TRPA1: variants seen among roughly 807,000 people sequenced by gnomAD.
The protein encoded by TRPA1 is ankyrin-like with transmembrane domains 1.
In TRPA1, 129 loss-of-function variants were observed where a neutral mutation model predicts 131.3. The observed-to-expected ratio is 0.98, with a 90% CI of 0.85 to 1.14. The LOEUF (loss-of-function observed/expected upper bound fraction) is 1.14, where lower values mean the gene tolerates loss of function less well. Among genes scored for constraint, TRPA1 ranks in the 50% most tolerant of loss-of-function variants. TRPA1 has a pLI of 0.00. For missense variants in TRPA1, 1,304 were observed against 1,354.2 expected (o/e 0.96, Z 0.58); for synonymous variants, 441 against 451.7 (o/e 0.98, Z 0.30).
rs1027209911 is a variant in TRPA1, at chr8:72,023,322, A to G, written c.3150-206T>C. The G allele has an allele frequency of 1.3e-5, 8 of 630,710 alleles. No homozygotes were observed. The Admixed American group carries it at 2.2e-4, about 17-fold the overall frequency. The allele number at this position is 630,710 out of a possible 1,614,324, so 39.1% of individuals were successfully genotyped here. ...AAAGTTACACTGTTAGTTCATGGCT[A>G]GTTTATTTTTGTTCCCAGTTTATAG... On this transcript the variant is annotated intron_variant, in intron 26 of 26. Transcript: ENST00000262209.
Position 72,061,712 on chromosome 8 carries a change from T to C in TRPA1, c.857A>G (p.Glu286Gly), listed in dbSNP as rs1805811703. ...IHFAATQGAT[E>G]IVKLMISSYS... is the part of the protein sequence containing the mutation. ...GGACGATATCATCAGTTTAACAATC[T>C]CAGTGGCTCCCTGGGTGGCAGCAAA... is the stretch of plus-strand genomic sequence containing the variant. The change falls in exon 7 of 27, where the codon GAG becomes GGG. Residue 286 changes from glutamate (E) to glycine (G), a missense_variant. By Grantham distance (98) the Glu-to-Gly change is moderately conservative. Transcript: ENST00000262209. The C allele has an allele frequency of 1.2e-6, 2 of 1,614,054 alleles. No homozygotes were observed. Among genetic ancestry groups the C allele is most frequent in the African/African-American group, 1.3e-5 (1 of 75,042 alleles).
At chr8:72,037,348 T>C (rs2129433800) in intron 20 of TRPA1, among the ~76,000 whole-genome samples, 1 of 152,190 alleles carries the variant, frequency 6.6e-6, no homozygotes, top group Non-Finnish European at 1.5e-5. Flanking sequence ...ACAAAAAAAT[T>C]ATAAAGACTT....
At chr8:72,087,650 T>TATA in the TRPA1 span, among the ~76,000 whole-genome samples, 2 of 111,806 alleles carry the variant, frequency 1.8e-5, no homozygotes, top group Admixed American at 8.8e-5. Flanking sequence ...ATATATATAT[T>TATA]TTAATTGCAT....
chr8:72,064,869 G>A (rs367962690), intron 4 of TRPA1, among the ~76,000 whole-genome samples: 5 of 148,548 alleles, frequency 3.4e-5, no homozygotes, highest in Non-Finnish European at 5.9e-5. Context: ...CATCTCCATC[G>A]CTTCACTGGA....
At chr8:72,061,787 C>A (rs200053697) in intron 6 of TRPA1, 26 bp from the exon 7 acceptor site, 1 of 1,612,568 alleles carries the variant, frequency 6.2e-7, no homozygotes. Context: ...ATGCTAGAAT[C>A]AATGTTTAAA....
intron 13 of TRPA1, 163 bp downstream of exon 13, chr8:72,053,590 C>T (rs1034614318): frequency 1.4e-5 from 9 of 663,974 alleles, no homozygotes; most frequent in Non-Finnish European, 2.2e-5. Context: ...ATTCTGTTGC[C>T]TTTTGATTCA....
the TRPA1 span, among the ~76,000 whole-genome samples, chr8:72,087,547 G>T: frequency 6.6e-6 from 1 of 150,926 alleles, no homozygotes; most frequent in Non-Finnish European, 1.5e-5. Context: ...TTTTTTCTTT[G>T]TCCTTTTATA....
intron 15 of TRPA1, among the ~76,000 whole-genome samples, chr8:72,048,054 G>C (rs1435944742): frequency 1.3e-5 from 2 of 151,464 alleles, no homozygotes; most frequent in African/African-American, 4.9e-5. Flanking sequence ...GGGGTGGACA[G>C]GATGGTGGGG....
chr8:72,077,229 A>C (rs1806204530), upstream of TRPA1, among the ~76,000 whole-genome samples: 1 of 144,210 alleles, frequency 6.9e-6, no homozygotes, highest in African/African-American at 2.5e-5. Flanking sequence ...GGCAGTGGGC[A>C]TGTCATGGCA....
At chr8:72,028,669 A>G (rs1237859493) in intron 24 of TRPA1, among the ~76,000 whole-genome samples, 1 of 152,204 alleles carries the variant, frequency 6.6e-6, no homozygotes, top group African/African-American at 2.4e-5. Context: ...TTGATATTTA[A>G]TTCTATGAAT....
At chr8:72,057,315 AAAG>A (rs1429321781) in intron 9 of TRPA1, among the ~76,000 whole-genome samples, 4 of 152,192 alleles carry the variant, frequency 2.6e-5, no homozygotes, top group Non-Finnish European at 5.9e-5. Context: ...AGAGATCAAG[AAAG>A]AAGAAGATAG....
chr8:72,079,212 CT>C (rs1285816231), upstream of TRPA1, among the ~76,000 whole-genome samples: 4 of 151,708 alleles, frequency 2.6e-5, no homozygotes, highest in African/African-American at 9.7e-5. Flanking sequence ...TTAATAGTGC[CT>C]TTTGAAAAGC....
intron 19 of TRPA1, 65 bp from the exon 20 acceptor site, chr8:72,038,137 T>C: frequency 1.2e-6 from 1 of 844,218 alleles, no homozygotes; most frequent in Non-Finnish European, 1.9e-6. Context: ...ATTTCCATAA[T>C]TTTCACTATT....
upstream of TRPA1, among the ~76,000 whole-genome samples, chr8:72,080,356 G>T (rs1425048919): frequency 6.6e-6 from 1 of 151,436 alleles, no homozygotes; most frequent in African/African-American, 2.4e-5. Flanking sequence ...AATTTTGTCT[G>T]ATACTGTCTC....
intron 5 of TRPA1, 109 bp from the exon 6 acceptor site, chr8:72,063,053 G>A: frequency 9.2e-7 from 1 of 1,085,708 alleles, no homozygotes; most frequent in East Asian, 2.6e-5. Flanking sequence ...AGGGCACCGA[G>A]ACACATAAAA....
Position 72,053,798 on chromosome 8 carries a change from A to C in TRPA1, c.1599T>G (p.Ile533Met). Residue 533 changes from isoleucine (I) to methionine (M), a missense_variant, in exon 13 of 27, where the codon ATT (isoleucine) becomes ATG (methionine). By Grantham distance (10) the Ile-to-Met change is conservative. Coordinates refer to ENST00000262209, the MANE Select transcript of TRPA1 (RefSeq NM_007332.3). ...MGGYTQTMKV[I>M]LDTNLKCTDR... ...CTGTGCACTTCAAATTAGTATCAAGAATGACCTTCATGGTCTGAGTGTACC... is the reference window on the plus strand; with the variant it reads ...CTGTGCACTTCAAATTAGTATCAAGCATGACCTTCATGGTCTGAGTGTACC... 1 of 1,612,672 alleles carries C rather than the reference A, an allele frequency of 6.2e-7. No homozygotes were observed. The highest frequency in any genetic ancestry group is 8.5e-7 in the Non-Finnish European group (1 of 1,179,872).
Position 72,055,755 on chromosome 8 carries a change from A to G in TRPA1, c.1295T>C (p.Leu432Pro), listed in dbSNP as rs747646379. 1.9e-6 allele frequency: 3 copies of G among 1,613,062 alleles called. No homozygotes were observed. In the South Asian group the frequency reaches 3.3e-5, roughly 18 times the overall value. ...ATGAATGGACACATTAAAGCCAAGT[A>G]GGTTATTTACAGAACCAGGGCCCCC... The part of the protein sequence containing the change: ...RQGGPGSVNN[L>P]LGFNVSIHSK... Residue 432 changes from leucine to proline, a missense_variant, in exon 11 of 27, where the codon CTA becomes CCA. Coordinates refer to ENST00000262209, the MANE Select transcript of TRPA1 (RefSeq NM_007332.3).
intron 18 of TRPA1, 49 bp from the exon 19 acceptor site, chr8:72,039,076 T>C (rs1043712130): frequency 1.3e-6 from 2 of 1,591,278 alleles, no homozygotes; most frequent in Non-Finnish European, 8.6e-7. Context: ...AACAAAAATA[T>C]TTACTTAAGA....
intron 15 of TRPA1, among the ~76,000 whole-genome samples, chr8:72,047,414 C>A (rs1427413540): frequency 6.6e-6 from 1 of 151,996 alleles, no homozygotes; most frequent in Admixed American, 6.6e-5. Flanking sequence ...CTCAGAAATA[C>A]CAGTGATTCA....
Sources: gnomAD v4.1 joint callset for allele counts (sites outside exome capture counted in the v4.1 genomes callset) on GRCh38, gnomAD v4.1.1 for gene constraint, MANE v1.5 for transcripts, NCBI Gene and HGNC (gene_info 2026-07-23, HGNC 2026-07-21) for gene names.